The following ERBB4 variants were observed in gnomAD, a reference collection of about 807,000 sequenced individuals.
ERBB4 encodes receptor tyrosine-protein kinase erbB-4.
In ERBB4, 42 loss-of-function variants were observed where a neutral mutation model predicts 158.0. That is an observed-to-expected ratio of 0.27 (90% confidence interval 0.21 to 0.34). The LOEUF (loss-of-function observed/expected upper bound fraction) is 0.34. Among genes scored for constraint, ERBB4 ranks in the 10% least tolerant of loss-of-function variants. The pLI, the probability that ERBB4 is intolerant of heterozygous loss-of-function variation, is 1.00. For missense variants in ERBB4, 1,333 were observed against 1,624.1 expected (o/e 0.82, Z 3.08); for synonymous variants, 583 against 558.7 (o/e 1.04, Z -0.61).
chr2:211,840,624 C>G (rs1020667022), intron 3 of ERBB4, among the ~76,000 whole-genome samples: 1 of 152,060 alleles, frequency 6.6e-6, no homozygotes, highest in Non-Finnish European at 1.5e-5. Flanking sequence ...AAAAACAGCA[C>G]AAGAATGGCT....
chr2:212,294,779 C>A (rs2086349020), intron 1 of ERBB4, among the ~76,000 whole-genome samples: 1 of 151,942 alleles, frequency 6.6e-6, no homozygotes, highest in Admixed American at 6.6e-5. Context: ...TTTTAAAACA[C>A]CTTATATATA....
At chr2:211,405,440 T>A (rs186756324) in intron 25 of ERBB4, among the ~76,000 whole-genome samples, 4 of 152,316 alleles carry the variant, frequency 2.6e-5, no homozygotes, top group Non-Finnish European at 4.4e-5. Context: ...TCTACAAATG[T>A]GTTGGACATA....
At chr2:211,787,974 G>T (rs377068091) in intron 4 of ERBB4, 51 bp downstream of exon 4, 1 of 1,572,834 alleles carries the variant, frequency 6.4e-7, no homozygotes. Flanking sequence ...CTCATTCATC[G>T]CCACATAGGG....
At chr2:211,937,380 T>A (rs1297170803) in intron 3 of ERBB4, among the ~76,000 whole-genome samples, 1 of 152,190 alleles carries the variant, frequency 6.6e-6, no homozygotes, top group African/African-American at 2.4e-5. Flanking sequence ...GCAGTGTCTA[T>A]TCTAGAAATA....
chr2:211,638,640 T>C (rs2070450225), intron 16 of ERBB4, among the ~76,000 whole-genome samples: 2 of 152,188 alleles, frequency 1.3e-5, no homozygotes, highest in South Asian at 2.1e-4. Context: ...CAAATTTGAA[T>C]GTTTTTTGAC....
intron 3 of ERBB4, among the ~76,000 whole-genome samples, chr2:211,918,555 A>C (rs2079766320): frequency 6.6e-6 from 1 of 152,144 alleles, no homozygotes; most frequent in Non-Finnish European, 1.5e-5. Flanking sequence ...TTTTAATATC[A>C]GTTGGTAGGA....
chr2:212,339,921 AC>A (rs543768936), intron 1 of ERBB4, among the ~76,000 whole-genome samples: 28 of 152,306 alleles, frequency 1.8e-4, no homozygotes, highest in Non-Finnish European at 3.5e-4. Flanking sequence ...GTTACGATAT[AC>A]ATTTTTAAAA....
At chr2:211,607,308 T>A (rs545400330) in intron 19 of ERBB4, among the ~76,000 whole-genome samples, 43 of 152,302 alleles carry the variant, frequency 2.8e-4, no homozygotes, top group African/African-American at 9.4e-4. Context: ...TATTATTAGC[T>A]TGTGGTCCAA....
At chr2:212,165,730 G>A (rs2081328120) in intron 1 of ERBB4, among the ~76,000 whole-genome samples, 1 of 152,082 alleles carries the variant, frequency 6.6e-6, no homozygotes, top group African/African-American at 2.4e-5. Flanking sequence ...TCATCCATGA[G>A]CAACTGCACC....
At chr2:212,362,072 T>A (rs544025060) in intron 1 of ERBB4, among the ~76,000 whole-genome samples, 8 of 151,722 alleles carry the variant, frequency 5.3e-5, no homozygotes, top group African/African-American at 1.9e-4. Flanking sequence ...ACAAATTGTA[T>A]AATTGAAACT....
chr2:211,584,765 A>T (rs1347527084), intron 19 of ERBB4, among the ~76,000 whole-genome samples: 1 of 146,376 alleles, frequency 6.8e-6, no homozygotes, highest in East Asian at 1.9e-4. Context: ...ATTTACATAT[A>T]AAAAATATAT....
intron 1 of ERBB4, among the ~76,000 whole-genome samples, chr2:212,356,157 A>G (rs2089455084): frequency 6.6e-6 from 1 of 151,940 alleles, no homozygotes; most frequent in African/African-American, 2.4e-5. Flanking sequence ...TAACAAACCC[A>G]CCTTTAAATA....
intron 5 of ERBB4, among the ~76,000 whole-genome samples, chr2:211,728,940 T>C (rs879069241): frequency 6.6e-6 from 1 of 151,824 alleles, no homozygotes; most frequent in Non-Finnish European, 1.5e-5. Context: ...TAAAATTATG[T>C]ATTAAGTGTT....
At chr2:211,446,122 A>T (rs2064106613) in intron 20 of ERBB4, among the ~76,000 whole-genome samples, 2 of 152,208 alleles carry the variant, frequency 1.3e-5, no homozygotes, top group African/African-American at 4.8e-5. Context: ...GATGGGGTAG[A>T]GTGAATAGTT....
chr2:211,637,046 C>T (rs73988624), intron 16 of ERBB4, among the ~76,000 whole-genome samples: 3,478 of 151,922 alleles, frequency 0.023, 150 homozygotes, highest in African/African-American at 0.08. Flanking sequence ...AAACTAGGGT[C>T]AAATGTTACA....
chr2:212,398,984 C>T (rs1425601322), intron 1 of ERBB4, among the ~76,000 whole-genome samples: 1 of 152,002 alleles, frequency 6.6e-6, no homozygotes, highest in Non-Finnish European at 1.5e-5. Flanking sequence ...CGCTCTGTTG[C>T]CCAGGTTGGA....
intron 1 of ERBB4, among the ~76,000 whole-genome samples, chr2:212,281,966 A>G (rs992677411): frequency 6.6e-6 from 1 of 151,888 alleles, no homozygotes; most frequent in Non-Finnish European, 1.5e-5. Flanking sequence ...AAAGTCAAAA[A>G]AAGTATGCAT....
chr2:211,984,874 C>T (rs1167754098), intron 2 of ERBB4, among the ~76,000 whole-genome samples: 3 of 152,064 alleles, frequency 2.0e-5, no homozygotes, highest in Non-Finnish European at 2.9e-5. Context: ...AGGTGCCCAC[C>T]GCCATGCCCA....
rs550469035 is a variant in ERBB4, at chr2:211,443,588, A to C, written c.2488-12488T>G. Among the ~76,000 whole-genome samples the C allele has an allele frequency of 1.2e-4, 19 of 152,210 alleles. No homozygotes were observed. The East Asian group carries it at 3.5e-3, about 28-fold the overall frequency. ...GGTTAAAAGCACATATCATAAAAAC[A>C]GTTCTAAAGGGTCATTTTTAACCCA... On this transcript the variant is annotated intron_variant, in intron 20 of 27. Transcript: ENST00000342788.
Sources: gnomAD v4.1 joint callset for allele counts (sites outside exome capture counted in the v4.1 genomes callset) on GRCh38, gnomAD v4.1.1 for gene constraint, MANE v1.5 for transcripts, NCBI Gene and HGNC (gene_info 2026-07-23, HGNC 2026-07-21) for gene names.